EGFL6: variants seen among roughly 807,000 people sequenced by gnomAD.
EGFL6 encodes the protein EGF like domain multiple 6, also known as epidermal growth factor-like protein 6.
EGFL6 carries 42 observed loss-of-function variants against 43.1 expected under a neutral mutation model. That is an observed-to-expected ratio of 0.98 (90% CI 0.76 to 1.26). EGFL6 has a LOEUF of 1.26. Among genes scored for constraint, EGFL6 ranks in the 50% most tolerant of loss-of-function variants. The pLI is 0.00. For missense variants in EGFL6, 429 were observed against 427.8 expected, an observed-to-expected ratio of 1.00 and a Z score of -0.02; for synonymous variants, 164 against 163.2, an observed-to-expected ratio of 1.01 and a Z score of -0.04.
chrX:13,607,515 G>A (rs996077103), intron 6 of EGFL6, among the ~76,000 whole-genome samples: 3 of 110,938 alleles, frequency 2.7e-5, no homozygotes, highest in Middle Eastern at 4.7e-3. Flanking sequence ...CATATTTCTC[G>A]TGGACTTGGA....
chrX:13,623,827 T>C lies in EGFL6; in HGVS notation c.1187T>C (p.Leu396Ser). ...ALTSKLEHKD[L>S]NISVDCSFNH... is the part of the protein sequence containing the mutation. ...ATATGTTCTTTCTTTTTAGCAGATT[T>C]AAATATCTCGGTTGACTGCAGCTTC... The change falls in exon 10 of 12, where the codon TTA (leucine) becomes TCA (serine). Residue 396 changes from leucine to serine, a missense_variant. Transcript: ENST00000361306. 1 of 1,203,418 alleles carries C rather than the reference T, an allele frequency of 8.3e-7. No individual in the cohort carries two copies. The highest frequency in any genetic ancestry group is 1.8e-5 in the South Asian group (1 of 56,682).
At chrX:13,598,125 G>A (rs1439506752) in intron 3 of EGFL6, among the ~76,000 whole-genome samples, 4 of 112,049 alleles carry the variant, frequency 3.6e-5, no homozygotes, top group Non-Finnish European at 5.6e-5. Context: ...TCCAAGAAAT[G>A]AGTGAGTCAC....
At chrX:13,613,149 A>AATATATATATATATATATAT (rs1166418088) in intron 7 of EGFL6, among the ~76,000 whole-genome samples, 2 of 73,551 alleles carry the variant, frequency 2.7e-5, no homozygotes, top group African/African-American at 1.3e-4. Context: ...CATCTCCATA[A>AATATATATATATATATATAT]ATATATACAT....
chrX:13,583,151 T>C (rs939802876), intron 1 of EGFL6, among the ~76,000 whole-genome samples: 2 of 109,362 alleles, frequency 1.8e-5, no homozygotes, highest in Non-Finnish European at 3.8e-5. Flanking sequence ...CTGCTGCCCT[T>C]CTCACTCCTG....
At chrX:13,616,404 G>T (rs1162734056) in intron 7 of EGFL6, among the ~76,000 whole-genome samples, 1 of 111,471 alleles carries the variant, frequency 9.0e-6, no homozygotes, top group Non-Finnish European at 1.9e-5. Flanking sequence ...GAGGTCAGGG[G>T]TTCGAGACTA....
intron 7 of EGFL6, 41 bp downstream of exon 7, chrX:13,608,487 G>T: frequency 1.7e-6 from 2 of 1,190,301 alleles, no homozygotes; most frequent in Non-Finnish European, 2.3e-6. Context: ...TATTCCCAAT[G>T]AAGCATTCTC....
intron 1 of EGFL6, among the ~76,000 whole-genome samples, chrX:13,578,058 A>G (rs1468529879): frequency 8.9e-6 from 1 of 112,481 alleles, no homozygotes; most frequent in Non-Finnish European, 1.9e-5. Context: ...GATATCTCAG[A>G]TTTAATGAAT....
chrX:13,624,202 G>A (rs1394969705), intron 10 of EGFL6, among the ~76,000 whole-genome samples: 1 of 111,922 alleles, frequency 8.9e-6, no homozygotes, highest in Non-Finnish European at 1.9e-5. Context: ...GAGATGTTGA[G>A]ATTTGTATAA....
chrX:13,623,379 T>TG (rs2045760074), intron 9 of EGFL6, among the ~76,000 whole-genome samples: 1 of 61,999 alleles, frequency 1.6e-5, no homozygotes, highest in Non-Finnish European at 3.0e-5. Flanking sequence ...TATTTTGGGT[T>TG]TTTTTTTTTT....
intron 7 of EGFL6, among the ~76,000 whole-genome samples, chrX:13,611,803 T>A (rs1052957613): frequency 1.8e-5 from 2 of 112,454 alleles, no homozygotes; most frequent in East Asian, 5.5e-4. Context: ...TATCTGAAAA[T>A]TATGCATTTT....
chrX:13,627,070 T>C lies in EGFL6; in HGVS notation c.1345T>C (p.Leu449=). The C allele has an allele frequency of 3.3e-6, 4 of 1,212,342 alleles. No homozygotes were observed. Among genetic ancestry groups the C allele is most frequent in the Non-Finnish European group, 4.5e-6 (4 of 895,671 alleles). The change falls in exon 11 of 12, where the codon TTG becomes CTG. Residue 449 remains leucine (L), a synonymous_variant. Coordinates refer to ENST00000361306, the MANE Select transcript of EGFL6 (RefSeq NM_015507.4). The part of the protein sequence containing the change: ...LAGHKKDIGR[L]KLLLPDLQPQ... ...AGGTCACAAGAAAGACATTGGCCGA[T>C]TGAAACTTCTCCTACCTGACCTGCA...
Position 13,597,637 on chromosome X carries a change from A to C in EGFL6, c.281-2338A>C, listed in dbSNP as rs770351696. Among the ~76,000 whole-genome samples the C allele has an allele frequency of 5.4e-5, 6 of 111,554 alleles. 1 individual carries two copies. The highest frequency in any genetic ancestry group is 2.0e-4 in the African/African-American group (6 of 30,681). On this transcript the variant is annotated intron_variant, in intron 3 of 11. Coordinates refer to ENST00000361306, the MANE Select transcript of EGFL6 (RefSeq NM_015507.4). ...CATCTCTACTAAAAATACAAAAATT[A>C]GCCAGGCGTGGTGGCGAATGCCTGT...
intron 1 of EGFL6, among the ~76,000 whole-genome samples, chrX:13,585,428 T>G (rs1220899856): frequency 1.8e-5 from 2 of 111,954 alleles, no homozygotes; most frequent in Non-Finnish European, 3.8e-5. Flanking sequence ...CTGAATATAT[T>G]GAGTGCCTCT....
At chrX:13,630,517 C>G (rs1177220105) in intron 11 of EGFL6, among the ~76,000 whole-genome samples, 1 of 111,479 alleles carries the variant, frequency 9.0e-6, no homozygotes, top group Middle Eastern at 4.2e-3. Flanking sequence ...AAAAAAGTTC[C>G]TTTGGGTGCA....
Position 13,633,026 on chromosome X carries a change from A to G in EGFL6, c.1593A>G (p.Glu531=), listed in dbSNP as rs1395740495. 8.3e-7 allele frequency: 1 copy of G among 1,206,498 alleles called. No homozygotes were observed. The highest frequency in any genetic ancestry group is 1.8e-5 in the African/African-American group (1 of 56,978). ...EAERGKGKTG[E]IAVDGVLLVS... The stretch of plus-strand genomic sequence containing the variant: ...AACGTGGCAAGGGCAAAACCGGCGA[A>G]ATCGCAGTGGATGGCGTCTTGCTTG... The change falls in exon 12 of 12, where the codon GAA becomes GAG. Residue 531 remains glutamate, a synonymous_variant. Transcript: ENST00000361306.
Position 13,620,511 on chromosome X carries a change from C to G in EGFL6, c.1183+1268C>G, listed in dbSNP as rs143351717. On this transcript the variant is annotated intron_variant, in intron 9 of 11. Coordinates refer to ENST00000361306, the MANE Select transcript of EGFL6 (RefSeq NM_015507.4). ...ATCACTTTGGTTTACAGGACCATCT[C>G]TACCGCAAAAAAAAATGTACCTCTC... is the stretch of plus-strand genomic sequence containing the variant. Among the ~76,000 whole-genome samples, 704 of 110,398 alleles carry G rather than the reference C, an allele frequency of 6.4e-3. 5 individuals are homozygous for G. The highest frequency in any genetic ancestry group is 0.027 in the South Asian group (69 of 2,581).
intron 8 of EGFL6, 132 bp from the exon 9 acceptor site, chrX:13,619,031 G>C (rs1303629206): frequency 2.1e-6 from 1 of 479,432 alleles, no homozygotes; most frequent in Non-Finnish European, 3.6e-6. Context: ...AAATGTTAGG[G>C]AAACACTGCT....
intron 1 of EGFL6, among the ~76,000 whole-genome samples, chrX:13,588,638 G>A (rs1017941375): frequency 2.7e-5 from 3 of 110,977 alleles, no homozygotes; most frequent in African/African-American, 9.8e-5. Context: ...GCAAGCTACA[G>A]CCTGCTGGCC....
chrX:13,617,644 A>G (rs775493540), intron 7 of EGFL6, 86 bp from the exon 8 acceptor site: 17 of 828,973 alleles, frequency 2.1e-5, no homozygotes, highest in Admixed American at 8.9e-5. Flanking sequence ...TTCACTTACT[A>G]CACTTTAACA....
Sources: gnomAD v4.1 joint callset for allele counts (sites outside exome capture counted in the v4.1 genomes callset) on GRCh38, gnomAD v4.1.1 for gene constraint, MANE v1.5 for transcripts, NCBI Gene and HGNC (gene_info 2026-07-23, HGNC 2026-07-21) for gene names.